Variants in PARP16 observed in about 807,000 individuals in gnomAD.
PARP16 encodes poly(ADP-ribose) polymerase family member 16.
A neutral mutation model predicts 35.0 loss-of-function variants in PARP16; 31 were observed. That is an observed-to-expected ratio of 0.88 (90% CI 0.66 to 1.19). The LOEUF is 1.19. Among genes scored for constraint, PARP16 ranks in the 50% most tolerant of loss-of-function variants. PARP16 has a pLI of 0.00. For synonymous variants in PARP16, 162 were observed against 169.5 expected, an observed-to-expected ratio of 0.96 and a Z score of 0.34; for missense variants, 424 against 411.2, an observed-to-expected ratio of 1.03 and a Z score of -0.27.
At chr15:65,277,415 T>C (rs909220317) in intron 1 of PARP16, among the ~76,000 whole-genome samples, 82 of 152,320 alleles carry the variant, frequency 5.4e-4, no homozygotes, top group Admixed American at 2.6e-3. Flanking sequence ...TTACTTACCC[T>C]GGATCCCCAT....
At chr15:65,284,639 T>A (rs573685111) in intron 1 of PARP16, among the ~76,000 whole-genome samples, 31 of 151,248 alleles carry the variant, frequency 2.0e-4, no homozygotes, top group Non-Finnish European at 3.7e-4. Flanking sequence ...AATTTTCTTT[T>A]TTTGTATCAC....
chr15:65,240,802 T>G (rs2089053556), intron 3 of PARP16, among the ~76,000 whole-genome samples: 1 of 152,120 alleles, frequency 6.6e-6, no homozygotes, highest in Non-Finnish European at 1.5e-5. Context: ...GGTAGGTGTA[T>G]GTTTAACTTT....
intron 1 of PARP16, among the ~76,000 whole-genome samples, chr15:65,280,540 T>C (rs1412389449): frequency 6.6e-6 from 1 of 151,736 alleles, no homozygotes; most frequent in Non-Finnish European, 1.5e-5. Flanking sequence ...TGTAGAAGGA[T>C]GTTTATCAAA....
In PARP16 at chr15:65,251,361, T is replaced by C. The variant is rs887410123; in HGVS notation, c.203-3133A>G. 5.3e-5 allele frequency among the ~76,000 whole-genome samples: 8 copies of C among 152,174 alleles called. 1 individual carries two copies. The highest frequency in any genetic ancestry group is 8.8e-5 in the Non-Finnish European group (6 of 68,028). Reference sequence around the variant, plus strand: ...GGATGGCAAAGGCTATCAGTTAAGATCTACCCACGTTTATTCCCCGTTAAG... The same window carrying C: ...GGATGGCAAAGGCTATCAGTTAAGACCTACCCACGTTTATTCCCCGTTAAG... On this transcript the variant is annotated intron_variant and NMD_transcript_variant, in intron 2 of 3. Transcript: ENST00000559805.
Position 65,251,804 on chromosome 15 carries a change from G to A in PARP16, c.203-3576C>T, listed in dbSNP as rs377048286. Among the ~76,000 whole-genome samples the A allele has an allele frequency of 3.0e-4, 45 of 151,152 alleles. 1 individual carries two copies. The highest frequency in any genetic ancestry group is 1.1e-3 in the African/African-American group (44 of 41,064). ...TTTTGAGATGGAATCTCGCTCTGTC[G>A]CCCAGGCTGGAGTGCAGTGGCATGA... On this transcript the variant is annotated intron_variant and NMD_transcript_variant, in intron 2 of 3. Coordinates refer to the PARP16 transcript ENST00000559805.
intron 3 of PARP16, among the ~76,000 whole-genome samples, chr15:65,243,338 C>T (rs910589154): frequency 6.6e-6 from 1 of 152,060 alleles, no homozygotes; most frequent in African/African-American, 2.4e-5. Context: ...CAACCTCCGC[C>T]TCCCCAGGCT....
intron 1 of PARP16, among the ~76,000 whole-genome samples, chr15:65,274,820 A>G (rs1002181888): frequency 1.3e-5 from 2 of 152,176 alleles, no homozygotes; most frequent in South Asian, 2.1e-4. Context: ...TAATGACTTA[A>G]AAGTATTCAT....
At chr15:65,248,483 G>A (rs1239839670) in intron 2 of PARP16, among the ~76,000 whole-genome samples, 2 of 151,952 alleles carry the variant, frequency 1.3e-5, no homozygotes, top group African/African-American at 2.4e-5. Context: ...ACATACATGG[G>A]CTTATACAGA....
Position 65,280,763 on chromosome 15 carries a change from C to T in PARP16, c.174+5490G>A, listed in dbSNP as rs1348302964. ...CGCTTTAACCCAGACACTGGGGAGTCATGGTGTCTAGACAGTGCAAGCCAG... is the reference window on the plus strand; with the variant it reads ...CGCTTTAACCCAGACACTGGGGAGTTATGGTGTCTAGACAGTGCAAGCCAG... On this transcript the variant is annotated intron_variant, in intron 1 of 5. Transcript: ENST00000649807. 3.3e-5 allele frequency among the ~76,000 whole-genome samples: 5 copies of T among 151,826 alleles called. 1 individual carries two copies. The highest frequency in any genetic ancestry group is 7.4e-5 in the Non-Finnish European group (5 of 67,984).
At chr15:65,258,061 C>G (rs764371345), downstream of PARP16, 15 of 152,214 alleles carry the variant, frequency 9.9e-5, no homozygotes, top group Non-Finnish European at 2.2e-4. Context: ...AGGGCAGACT[C>G]ACACTAAGGC....
chr15:65,259,635 T>C (rs2089634872), intron 5 of PARP16, 93 bp from the exon 6 acceptor site: 1 of 1,201,876 alleles, frequency 8.3e-7, no homozygotes, highest in South Asian at 1.4e-5. Context: ...GAAGACAAAA[T>C]GATGAATTTC....
intron 1 of PARP16, among the ~76,000 whole-genome samples, chr15:65,281,365 G>A (rs1328816845): frequency 2.0e-5 from 3 of 152,150 alleles, no homozygotes; most frequent in African/African-American, 7.2e-5. Context: ...CCCAGGCCAG[G>A]CACTGGAAAT....
At chr15:65,265,515 A>G (rs1167737289) in intron 3 of PARP16, among the ~76,000 whole-genome samples, 1 of 152,166 alleles carries the variant, frequency 6.6e-6, no homozygotes, top group Non-Finnish European at 1.5e-5. Context: ...AAGTGGATAG[A>G]TGACTGTTTT....
In PARP16 at chr15:65,286,281, C is replaced by G; in HGVS notation, c.146G>C (p.Arg49Pro). 6.3e-7 allele frequency: 1 copy of G among 1,593,744 alleles called. No homozygotes were observed. Among genetic ancestry groups the G allele is most frequent in the Non-Finnish European group, 8.5e-7 (1 of 1,172,178 alleles). The part of the protein sequence containing the change: ...VLRPFPASYA[R>P]GDCKDFEALL... The stretch of plus-strand genomic sequence containing the variant: ...GGCTTCAAAGTCCTTACAGTCGCCG[C>G]GGGCGTAGGACGCGGGGAAGGGCCG... Residue 49 changes from arginine (R) to proline (P), a missense_variant, in exon 1 of 6, where the codon CGC becomes CCC. By Grantham distance (103) the Arg-to-Pro change is moderately radical. Transcript: ENST00000649807.
At chr15:65,268,433 G>A (rs1484746559) in intron 2 of PARP16, among the ~76,000 whole-genome samples, 1 of 152,138 alleles carries the variant, frequency 6.6e-6, no homozygotes, top group Non-Finnish European at 1.5e-5. Flanking sequence ...ATCATGAGAA[G>A]CAATTAGCAT....
chr15:65,251,353 A>T (rs1384392510), intron 2 of PARP16, among the ~76,000 whole-genome samples: 1 of 152,178 alleles, frequency 6.6e-6, no homozygotes, highest in East Asian at 1.9e-4. Context: ...AAAGGCTATC[A>T]GTTAAGATCT....
At chr15:65,251,747 C>A (rs546614622) in intron 2 of PARP16, among the ~76,000 whole-genome samples, 1 of 151,952 alleles carries the variant, frequency 6.6e-6, no homozygotes, top group East Asian at 1.9e-4. Flanking sequence ...GGGTCACATG[C>A]CTAGGTTTTT....
intron 3 of PARP16, among the ~76,000 whole-genome samples, chr15:65,238,271 C>T (rs1051277383): frequency 1.3e-5 from 2 of 151,970 alleles, no homozygotes; most frequent in Admixed American, 6.6e-5. Context: ...GCAACAAGAG[C>T]AAAAACTCTG....
At chr15:65,261,434 T>TTA (rs2089712335) in intron 4 of PARP16, among the ~76,000 whole-genome samples, 1 of 148,770 alleles carries the variant, frequency 6.7e-6, no homozygotes, top group South Asian at 2.1e-4. Flanking sequence ...AAGAGGCGTT[T>TTA]TATATATATA....
Sources: allele counts gnomAD v4.1 joint callset (sites outside exome capture counted in the v4.1 genomes callset), GRCh38; gene constraint gnomAD v4.1.1; transcripts MANE v1.5; gene names NCBI Gene and HGNC (gene_info 2026-07-23, HGNC 2026-07-21).